Variants in UBR4 observed in about 807,000 individuals in gnomAD.
UBR4 encodes E3 ubiquitin-protein ligase UBR4.
UBR4 carries 124 observed loss-of-function variants against 575.6 expected under a neutral mutation model. The observed-to-expected ratio is 0.22, with a 90% CI of 0.19 to 0.25. The LOEUF (loss-of-function observed/expected upper bound fraction) is 0.25, where lower values mean the gene tolerates loss of function less well. Ranked by LOEUF, UBR4 falls within the 10% of genes least tolerant of loss-of-function variation. UBR4 has a pLI of 1.00. For missense variants in UBR4, 4,818 were observed against 6,478.8 expected (o/e 0.74, Z 8.80); for synonymous variants, 2,455 against 2,473.7 (o/e 0.99, Z 0.22).
rs770525615 is a variant in UBR4 at position 19,094,157 on chromosome 1, G to A, written c.13747-18C>T. On this transcript the variant is annotated intron_variant, in intron 94 of 105. Coordinates refer to ENST00000375254, the MANE Select transcript of UBR4 (RefSeq NM_020765.3). ...AGGTTGCCCTGCAACAGAAAAGAGGGTGAACATGCCATTAATGCAGTCAGG... is the reference window on the plus strand; with the variant it reads ...AGGTTGCCCTGCAACAGAAAAGAGGATGAACATGCCATTAATGCAGTCAGG... 36 of 1,602,656 alleles carry A rather than the reference G, an allele frequency of 2.2e-5. No individual in the cohort carries two copies. In the East Asian group the frequency reaches 6.5e-4, roughly 29 times the overall value.
Position 19,114,953 on chromosome 1 carries a change from A to G in UBR4, c.11064-4T>C. The G allele has an allele frequency of 5.6e-6, 9 of 1,614,214 alleles. No individual in the cohort carries two copies. Among genetic ancestry groups the G allele is most frequent in the Non-Finnish European group, 7.6e-6 (9 of 1,180,026 alleles). Reference sequence around the variant, plus strand: ...CTTTTCATCGTAGTTGATGGATCTGAGTAACCAAAGCGTTTGGGTCAGTAA... The same window carrying G: ...CTTTTCATCGTAGTTGATGGATCTGGGTAACCAAAGCGTTTGGGTCAGTAA... On this transcript the variant is annotated splice_polypyrimidine_tract_variant and splice_region_variant and intron_variant, in intron 74 of 105. Coordinates refer to ENST00000375254, the MANE Select transcript of UBR4 (RefSeq NM_020765.3).
chr1:19,095,362 A>G (rs2274006), intron 93 of UBR4, among the ~76,000 whole-genome samples, 183 bp downstream of exon 93: 101,624 of 152,018 alleles, frequency 0.67, 34,763 homozygotes, highest in East Asian at 0.81. Context: ...GCATGGGGGC[A>G]GGAGGTGAGC....
At chr1:19,193,776 C>T (rs1199840375) in intron 8 of UBR4, among the ~76,000 whole-genome samples, 3 of 152,134 alleles carry the variant, frequency 2.0e-5, no homozygotes, top group African/African-American at 7.2e-5. Context: ...CGCGCACACA[C>T]ACACACACTA....
chr1:19,152,543 C>T lies in UBR4; in HGVS notation c.6833-67G>A, dbSNP rs1045844422. Reference sequence around the variant, plus strand: ...TCTGCCCCAACACCACTGGTAAAGACTCCTCCCAGACAGAGCCCACACTCA... The same window carrying T: ...TCTGCCCCAACACCACTGGTAAAGATTCCTCCCAGACAGAGCCCACACTCA... On this transcript the variant is annotated intron_variant, in intron 46 of 105. Coordinates refer to ENST00000375254, the MANE Select transcript of UBR4 (RefSeq NM_020765.3). The surrounding 1 kb of genome is among the most constrained non-coding windows in gnomAD (Gnocchi z 4.4). 3.1e-6 allele frequency: 5 copies of T among 1,597,816 alleles called. No individual in the cohort carries two copies. Among genetic ancestry groups the T allele is most frequent in the African/African-American group, 1.3e-5 (1 of 74,630 alleles).
rs1339292698 is a variant in UBR4 at position 19,117,692 on chromosome 1, G to A, written c.10629+131C>T. 1 of 973,460 alleles carries A rather than the reference G, an allele frequency of 1.0e-6. No individual in the cohort carries two copies. The highest frequency in any genetic ancestry group is 1.6e-5 in the African/African-American group (1 of 61,508). The allele number at this position is 973,460 out of a possible 1,614,324, so 60.3% of individuals were successfully genotyped here. On this transcript the variant is annotated intron_variant, in intron 72 of 105. Transcript: ENST00000375254. The surrounding 1 kb of genome is among the most constrained non-coding windows in gnomAD (Gnocchi z 4.0). ...TCTATTTAAGGTAATAAATGTGGCA[G>A]ATAAAAATTCCTACTATCGGTGACC...
chr1:19,111,654 C>T (rs2079895559), intron 78 of UBR4: 1 of 145,694 alleles, frequency 6.9e-6, no homozygotes, highest in Non-Finnish European at 1.5e-5. Context: ...CGGAGTCTCG[C>T]TTGTTGCCCA....
intron 68 of UBR4, 53 bp from the exon 69 acceptor site, chr1:19,120,401 G>A: frequency 6.3e-7 from 1 of 1,584,238 alleles, no homozygotes; most frequent in South Asian, 1.1e-5. Context: ...AGTCCTCCAG[G>A]GTCCTAAGGC....
chr1:19,166,956 G>C, intron 29 of UBR4, 66 bp downstream of exon 29: 2 of 1,538,066 alleles, frequency 1.3e-6, no homozygotes, highest in Non-Finnish European at 1.8e-6. Flanking sequence ...AGGCAGCAGT[G>C]TTAGTACATT....
At chr1:19,081,971 T>C (rs949889766) in intron 102 of UBR4, 4 of 589,386 alleles carry the variant, frequency 6.8e-6, no homozygotes, top group African/African-American at 5.6e-5. Flanking sequence ...TAGTGAGTGA[T>C]GGGGCCAAAA....
At chr1:19,149,370 G>C (rs1160545395) in intron 49 of UBR4, among the ~76,000 whole-genome samples, 1 of 152,158 alleles carries the variant, frequency 6.6e-6, no homozygotes, top group African/African-American at 2.4e-5. Flanking sequence ...GGTAGAGGAA[G>C]GCAATAAAGA....
rs1362644905 is a variant in UBR4 at position 19,139,554 on chromosome 1, C to G, written c.8594-334G>C. 6.6e-6 allele frequency among the ~76,000 whole-genome samples: 1 copy of G among 152,174 alleles called. No homozygotes were observed. The highest frequency in any genetic ancestry group is 2.4e-5 in the African/African-American group (1 of 41,430). On this transcript the variant is annotated intron_variant, in intron 58 of 105. Coordinates refer to ENST00000375254, the MANE Select transcript of UBR4 (RefSeq NM_020765.3). This position sits in a 1 kb window ranked among gnomAD's most constrained non-coding sequence, Gnocchi z 4.2. ...TCAGTAAGAATCTGTGACATGGACG[C>G]TGAGTTTTCTAGCTAAAATGCTTCA...
chr1:19,160,029 C>T, intron 39 of UBR4, 82 bp downstream of exon 39: 1 of 1,536,326 alleles, frequency 6.5e-7, no homozygotes, highest in Non-Finnish European at 8.8e-7. Context: ...GTATACTCCT[C>T]AGAGCATCTA....
At chr1:19,104,770 C>G (rs2079009624) in intron 85 of UBR4, 104 bp from the exon 86 acceptor site, 3 of 1,276,634 alleles carry the variant, frequency 2.3e-6, no homozygotes, top group Non-Finnish European at 3.3e-6. Flanking sequence ...TCTGTAGTTA[C>G]ATCTTCTTAA....
intron 25 of UBR4, 100 bp downstream of exon 25, chr1:19,172,764 C>G (rs142854003): frequency 3.9e-6 from 5 of 1,270,498 alleles, no homozygotes; most frequent in Non-Finnish European, 5.5e-6. Flanking sequence ...AAAAAAACCC[C>G]TAAGCTGAAG....
At chr1:19,085,454 G>A (rs1447783214) in intron 101 of UBR4, among the ~76,000 whole-genome samples, 5 of 152,194 alleles carry the variant, frequency 3.3e-5, no homozygotes, top group African/African-American at 4.8e-5. Context: ...CCTGGGAGGC[G>A]GAGGCTGCAG....
Position 19,105,234 on chromosome 1 carries a change from T to A in UBR4, c.12504-45A>T, listed in dbSNP as rs781559731. ...GGCACTCTAGTCAAGAACTCTAGCA[T>A]TTCGAACAGCTCCAAGGCTCCCCTT... On this transcript the variant is annotated intron_variant, in intron 84 of 105. Coordinates refer to ENST00000375254, the MANE Select transcript of UBR4 (RefSeq NM_020765.3). 1.9e-6 allele frequency: 3 copies of A among 1,586,824 alleles called. No individual in the cohort carries two copies. In the Admixed American group the frequency reaches 5.6e-5, roughly 29 times the overall value.
At chr1:19,187,086 A>T (rs2091609480) in intron 13 of UBR4, 78 bp downstream of exon 13, 1 of 907,236 alleles carries the variant, frequency 1.1e-6, no homozygotes, top group East Asian at 6.0e-5. Flanking sequence ...TTATATATAT[A>T]TATATATATA....
chr1:19,159,697 A>G (rs2087002123), intron 39 of UBR4, among the ~76,000 whole-genome samples: 2 of 151,644 alleles, frequency 1.3e-5, no homozygotes, highest in Admixed American at 6.6e-5. Flanking sequence ...CCTGGGCTCA[A>G]GTGATGCTCC....
At chr1:19,120,035 T>A in intron 69 of UBR4, 145 bp downstream of exon 69, 1 of 1,043,566 alleles carries the variant, frequency 9.6e-7, no homozygotes, top group Non-Finnish European at 1.4e-6. Context: ...CAGACAACAA[T>A]AAAGAAATCT....
Sources: allele counts gnomAD v4.1 joint callset (sites outside exome capture counted in the v4.1 genomes callset), GRCh38; gene constraint gnomAD v4.1.1; non-coding constraint Gnocchi (gnomAD v3.1); transcripts MANE v1.5; gene names NCBI Gene and HGNC (gene_info 2026-07-23, HGNC 2026-07-21).